ANXA3: variants seen among roughly 807,000 people sequenced by gnomAD.
ANXA3 encodes 35-alpha calcimedin.
In ANXA3, 46 loss-of-function variants were observed where a neutral mutation model predicts 48.8. The ratio of observed to expected loss-of-function variants is 0.94; its 90% confidence interval spans 0.74 to 1.21. ANXA3 has a LOEUF of 1.21. ANXA3 is among the 50% of genes most tolerant of loss of function. The probability of loss-of-function intolerance (pLI) is 0.00; values close to 1 mark genes in which losing one functional copy is unlikely to be tolerated. For missense variants in ANXA3, 383 were observed against 378.6 expected, an observed-to-expected ratio of 1.01 and a Z score of -0.10; for synonymous variants, 128 against 134.7, an observed-to-expected ratio of 0.95 and a Z score of 0.35.
At chr4:78,559,823 G>A (rs1010539764) in intron 2 of ANXA3, among the ~76,000 whole-genome samples, 2 of 152,192 alleles carry the variant, frequency 1.3e-5, no homozygotes, top group Non-Finnish European at 2.9e-5. Context: ...CGGTTTGTAA[G>A]CATTAAGCCA....
At position 78,586,753 on chromosome 4, in the gene ANXA3, C is replaced by G. The variant is rs181728127; in HGVS notation, c.403+403C>G. On this transcript the variant is annotated intron_variant, in intron 6 of 12. Coordinates refer to ENST00000264908, the MANE Select transcript of ANXA3 (RefSeq NM_005139.3). ...AGATTAATTTAGAGGATGTGTTGAG[C>G]ATAAGGATTCAATAGAAGTAGCTAA... Among the ~76,000 whole-genome samples the G allele has an allele frequency of 1.1e-4, 16 of 152,298 alleles. No individual in the cohort carries two copies. In the East Asian group the frequency reaches 2.9e-3, roughly 27 times the overall value.
intron 4 of ANXA3, among the ~76,000 whole-genome samples, chr4:78,581,415 A>G (rs4466067): frequency 0.73 from 111,188 of 152,104 alleles, 41,128 homozygotes; most frequent in East Asian, 0.88. Context: ...AAGAGGCTAA[A>G]TTCTAGTGTT....
chr4:78,553,975 A>T (rs1722456131), intron 1 of ANXA3: 2 of 156,230 alleles, frequency 1.3e-5, no homozygotes, highest in Non-Finnish European at 2.8e-5. Flanking sequence ...GAGCCTTGTA[A>T]AATGTACATG....
chr4:78,595,931 A>C (rs770244911), intron 9 of ANXA3, 44 bp downstream of exon 9: 1 of 1,350,436 alleles, frequency 7.4e-7, no homozygotes, highest in South Asian at 1.2e-5. Flanking sequence ...TGTTGTTTTT[A>C]CAAATGTTTT....
At chr4:78,563,945 G>C (rs1314784972) in intron 2 of ANXA3, among the ~76,000 whole-genome samples, 4 of 152,174 alleles carry the variant, frequency 2.6e-5, no homozygotes, top group African/African-American at 9.7e-5. Context: ...AAATCTTTGT[G>C]ACCCTTGGCC....
Position 78,610,194 on chromosome 4 carries a change from G to C in ANXA3, c.*79G>C. The stretch of plus-strand genomic sequence containing the variant: ...TTACTTCTTCTCATACTATTTAAGA[G>C]AACAAGCAAATATAAACAGCAACTT... On this transcript the variant is annotated 3_prime_UTR_variant, in exon 13 of 13. Transcript: ENST00000264908. The C allele has an allele frequency of 2.9e-6, 3 of 1,020,774 alleles. 1 individual carries two copies. In the South Asian group the frequency reaches 4.9e-5, roughly 17 times the overall value. 63.2% of individuals were successfully genotyped at this position (1,020,774 alleles called of 1,614,324 possible). A position where few individuals can be genotyped will look rare whatever the true frequency, so the allele number is the denominator to read the frequency against.
intron 12 of ANXA3, among the ~76,000 whole-genome samples, chr4:78,607,017 A>G (rs1723663354): frequency 6.6e-6 from 1 of 152,354 alleles, no homozygotes; most frequent in Admixed American, 6.5e-5. Context: ...TTTTCTAAAG[A>G]TTGTCAGTAA....
chr4:78,565,049 A>G (rs1722703435), intron 2 of ANXA3, among the ~76,000 whole-genome samples: 1 of 147,400 alleles, frequency 6.8e-6, no homozygotes, highest in South Asian at 2.1e-4. Context: ...ACCAGAGTGC[A>G]GTAGCACGAT....
intron 6 of ANXA3, among the ~76,000 whole-genome samples, chr4:78,588,475 C>G (rs1415634450): frequency 6.6e-6 from 1 of 152,176 alleles, no homozygotes; most frequent in African/African-American, 2.4e-5. Context: ...CAGGTTATAA[C>G]CCCCCAGACC....
chr4:78,587,453 G>A (rs1874488), intron 6 of ANXA3, among the ~76,000 whole-genome samples: 90,080 of 152,020 alleles, frequency 0.59, 28,435 homozygotes, highest in East Asian at 0.87. Flanking sequence ...AAATCCAAAG[G>A]ATTTAGAGTT....
chr4:78,576,990 G>A (rs1722969003), intron 3 of ANXA3, among the ~76,000 whole-genome samples: 1 of 152,132 alleles, frequency 6.6e-6, no homozygotes, highest in African/African-American at 2.4e-5. Context: ...TAGAAAATGA[G>A]AACAAAGACA....
intron 2 of ANXA3, among the ~76,000 whole-genome samples, chr4:78,562,159 A>T (rs1302097074): frequency 1.3e-5 from 2 of 152,230 alleles, no homozygotes; most frequent in East Asian, 3.8e-4. Context: ...AGAGGAAGGA[A>T]TGTAAAGTGG....
chr4:78,610,126 T>C lies in ANXA3; in HGVS notation c.*11T>C, dbSNP rs759719473. ...GGTGGAGATGACTGAACCAAGAAGA[T>C]AATCTCCAAAGGTCCACGATGGGCT... On this transcript the variant is annotated 3_prime_UTR_variant, in exon 13 of 13. Coordinates refer to ENST00000264908, the MANE Select transcript of ANXA3 (RefSeq NM_005139.3). The C allele has an allele frequency of 5.6e-6, 9 of 1,605,024 alleles. No individual in the cohort carries two copies. The highest frequency in any genetic ancestry group is 7.7e-6 in the Non-Finnish European group (9 of 1,173,664).
At chr4:78,571,635 GA>G (rs1722842436) in intron 2 of ANXA3, among the ~76,000 whole-genome samples, 2 of 152,142 alleles carry the variant, frequency 1.3e-5, no homozygotes, top group African/African-American at 4.8e-5. Flanking sequence ...TAACAGGATA[GA>G]AAAATGCTGT....
At chr4:78,595,607 T>C (rs958375426) in intron 8 of ANXA3, among the ~76,000 whole-genome samples, 170 bp downstream of exon 8, 1 of 152,054 alleles carries the variant, frequency 6.6e-6, no homozygotes, top group Non-Finnish European at 1.5e-5. Flanking sequence ...ACTTTTTGCC[T>C]GCCCCAGTGG....
At chr4:78,578,913 A>G (rs569463694) in intron 3 of ANXA3, 114 bp from the exon 4 acceptor site, 5 of 416,010 alleles carry the variant, frequency 1.2e-5, no homozygotes, top group African/African-American at 1.0e-4. Flanking sequence ...ATAAGATGCT[A>G]GAAATTAAAA....
intron 12 of ANXA3, 51 bp from the exon 13 acceptor site, chr4:78,610,005 T>C (rs2109829855): frequency 1.4e-6 from 2 of 1,384,298 alleles, no homozygotes; most frequent in South Asian, 2.4e-5. Context: ...TCATTTATGG[T>C]CTCCCATTAT....
chr4:78,591,736 T>C (rs543295720), intron 7 of ANXA3, 113 bp downstream of exon 7: 1 of 729,598 alleles, frequency 1.4e-6, no homozygotes, highest in Non-Finnish European at 2.3e-6. Context: ...ATTTTCCTTA[T>C]GAAATGGTTT....
At chr4:78,567,189 G>T (rs1040368658) in intron 2 of ANXA3, among the ~76,000 whole-genome samples, 6 of 152,214 alleles carry the variant, frequency 3.9e-5, no homozygotes, top group Non-Finnish European at 5.9e-5. Context: ...ATTTTTCTCT[G>T]GCCTTTACCT....
Sources: gnomAD v4.1 joint callset for allele counts (sites outside exome capture counted in the v4.1 genomes callset) on GRCh38, gnomAD v4.1.1 for gene constraint, MANE v1.5 for transcripts, NCBI Gene and HGNC (gene_info 2026-07-23, HGNC 2026-07-21) for gene names.